The following SUPT3H variants were observed in gnomAD, a reference collection of about 807,000 sequenced individuals.
The protein encoded by SUPT3H is transcription initiation protein SPT3 homolog.
SUPT3H carries 44 observed loss-of-function variants against 44.3 expected under a neutral mutation model. That is an observed-to-expected ratio of 0.99 (90% confidence interval 0.78 to 1.28). The LOEUF is 1.28. SUPT3H is among the 50% of genes most tolerant of loss of function. SUPT3H has a pLI of 0.00. For synonymous variants in SUPT3H, 124 were observed against 125.6 expected (o/e 0.99, Z 0.09); for missense variants, 380 against 387.1 (o/e 0.98, Z 0.15).
intron 3 of SUPT3H, among the ~76,000 whole-genome samples, chr6:45,032,185 T>C (rs1224531230): frequency 6.6e-6 from 1 of 152,164 alleles, no homozygotes; most frequent in African/African-American, 2.4e-5. Flanking sequence ...CAAAGATTGC[T>C]TGCATAGGAA....
At chr6:45,065,601 G>A (rs1793138068) in intron 3 of SUPT3H, among the ~76,000 whole-genome samples, 1 of 151,168 alleles carries the variant, frequency 6.6e-6, no homozygotes, top group Non-Finnish European at 1.5e-5. Context: ...GAATCAAATA[G>A]ACACAATAAA....
chr6:44,877,278 T>A (rs201604682), intron 10 of SUPT3H, among the ~76,000 whole-genome samples: 10 of 152,126 alleles, frequency 6.6e-5, no homozygotes, highest in African/African-American at 2.4e-4. Context: ...ACCAGTCTGG[T>A]CAACATGGTG....
At chr6:45,197,363 T>G (rs1365730977) in intron 2 of SUPT3H, among the ~76,000 whole-genome samples, 4 of 151,478 alleles carry the variant, frequency 2.6e-5, no homozygotes, top group Non-Finnish European at 5.9e-5. Flanking sequence ...TTAAATGATT[T>G]GAAAGAAAAA....
In SUPT3H at chr6:44,976,856, C is replaced by G. The variant is rs1351017473; in HGVS notation, c.505-15028G>C. ...ATTTCAAGTAGCCTGAACACAATGG[C>G]TGTCCCTTGAGCTTCTAAGAATGCA... On this transcript the variant is annotated intron_variant, in intron 6 of 10. Transcript: ENST00000371459. Among the ~76,000 whole-genome samples the G allele has an allele frequency of 3.9e-5, 6 of 152,288 alleles. No individual in the cohort carries two copies. In the East Asian group the frequency reaches 7.7e-4, roughly 20 times the overall value.
At chr6:44,988,786 T>C (rs919733258) in intron 6 of SUPT3H, among the ~76,000 whole-genome samples, 4 of 152,120 alleles carry the variant, frequency 2.6e-5, no homozygotes, top group African/African-American at 9.7e-5. Context: ...TGTATCAATA[T>C]ATGCTTCCAC....
At chr6:44,909,142 CGTGTGTGTGT>C (rs34494107) in intron 10 of SUPT3H, among the ~76,000 whole-genome samples, 4 of 146,956 alleles carry the variant, frequency 2.7e-5, no homozygotes, top group South Asian at 4.4e-4. Context: ...TGTGTGTGTG[CGTGTGTGTGT>C]GTGTGTGTGT....
At chr6:45,287,575 A>G (rs1779530615) in intron 2 of SUPT3H, among the ~76,000 whole-genome samples, 1 of 152,184 alleles carries the variant, frequency 6.6e-6, no homozygotes, top group African/African-American at 2.4e-5. Context: ...TCAAAGAAAG[A>G]AACAGTAGAA....
chr6:45,343,247 CA>C (rs200776808), intron 2 of SUPT3H, among the ~76,000 whole-genome samples: 3,096 of 152,226 alleles, frequency 0.02, 40 homozygotes, highest in Non-Finnish European at 0.032. Context: ...CAGTGGCTCA[CA>C]CCTGTAATCC....
chr6:44,889,953 A>G (rs1168462902), intron 10 of SUPT3H, among the ~76,000 whole-genome samples: 2 of 149,230 alleles, frequency 1.3e-5, no homozygotes, highest in Non-Finnish European at 3.0e-5. Flanking sequence ...GTGGGCGGAC[A>G]TGAACAGACA....
intron 2 of SUPT3H, among the ~76,000 whole-genome samples, chr6:45,334,740 GTAA>G (rs1302480531): frequency 2.0e-5 from 3 of 151,030 alleles, no homozygotes; most frequent in South Asian, 2.1e-4. Context: ...TACAGAACTT[GTAA>G]TAATGATTAT....
At chr6:45,300,610 G>T (rs769686109) in intron 2 of SUPT3H, among the ~76,000 whole-genome samples, 1 of 152,156 alleles carries the variant, frequency 6.6e-6, no homozygotes, top group Non-Finnish European at 1.5e-5. Context: ...GATAGGAAGC[G>T]ACGGCTTAAT....
intron 2 of SUPT3H, among the ~76,000 whole-genome samples, chr6:45,128,828 C>T (rs941445381): frequency 2.3e-4 from 35 of 151,370 alleles, no homozygotes; most frequent in South Asian, 2.1e-4. Flanking sequence ...TGGGATTACA[C>T]GCATGTGCCA....
intron 10 of SUPT3H, among the ~76,000 whole-genome samples, chr6:44,903,396 T>C (rs1210026689): frequency 1.3e-5 from 2 of 152,110 alleles, no homozygotes; most frequent in Admixed American, 6.5e-5. Context: ...GAGAATACTA[T>C]AAACACCTCT....
At chr6:45,199,552 T>C (rs1285017) in intron 2 of SUPT3H, among the ~76,000 whole-genome samples, 3,075 of 151,488 alleles carry the variant, frequency 0.02, 44 homozygotes, top group Non-Finnish European at 0.032. Context: ...TCCAAAAGAC[T>C]ATTTTTCCTA....
chr6:45,239,998 C>T (rs1457992972), intron 2 of SUPT3H, among the ~76,000 whole-genome samples: 1 of 152,158 alleles, frequency 6.6e-6, no homozygotes, highest in Non-Finnish European at 1.5e-5. Flanking sequence ...GCTGCAAAGA[C>T]AGAAGCAGAA....
chr6:44,944,622 C>A (rs1285444701), intron 9 of SUPT3H, among the ~76,000 whole-genome samples: 4 of 150,910 alleles, frequency 2.7e-5, no homozygotes, highest in Non-Finnish European at 4.4e-5. Context: ...ATTAGCTAGG[C>A]GTAGTGGTGC....
At chr6:45,018,374 C>T (rs1041715513) in intron 4 of SUPT3H, among the ~76,000 whole-genome samples, 4 of 150,718 alleles carry the variant, frequency 2.7e-5, no homozygotes, top group South Asian at 2.1e-4. Context: ...CCAGAACTTC[C>T]AACACTATGT....
intron 2 of SUPT3H, among the ~76,000 whole-genome samples, chr6:45,281,576 C>G (rs1209608568): frequency 6.6e-6 from 1 of 152,166 alleles, no homozygotes; most frequent in Non-Finnish European, 1.5e-5. Context: ...GCTTGAGTAG[C>G]TAAACAAAGC....
chr6:44,823,101 CAAAA>C (rs5875894), downstream of SUPT3H, among the ~76,000 whole-genome samples: 8 of 113,174 alleles, frequency 7.1e-5, no homozygotes, highest in East Asian at 2.9e-4. Flanking sequence ...GACTCCGTTT[CAAAA>C]AAAAAAAAAA....
Sources: allele counts gnomAD v4.1 joint callset (sites outside exome capture counted in the v4.1 genomes callset), GRCh38; gene constraint gnomAD v4.1.1; transcripts MANE v1.5; gene names NCBI Gene and HGNC (gene_info 2026-07-23, HGNC 2026-07-21).